FKBP5: variants seen among roughly 807,000 people sequenced by gnomAD.
The protein encoded by FKBP5 is FKBP prolyl isomerase 5, also known as peptidyl-prolyl cis-trans isomerase FKBP5.
FKBP5 carries 23 observed loss-of-function variants against 50.5 expected under a neutral mutation model. The observed-to-expected ratio is 0.46, with a 90% confidence interval of 0.33 to 0.65. FKBP5 has a LOEUF of 0.65. Ranked by LOEUF, FKBP5 falls within the 30% of genes least tolerant of loss-of-function variation. The pLI is 0.02. For missense variants in FKBP5, 411 were observed against 553.1 expected (o/e 0.74, Z 2.58); for synonymous variants, 176 against 190.6 (o/e 0.92, Z 0.63).
Position 35,697,404 on chromosome 6 carries a change from G to A in FKBP5, c.-20+22924C>T, listed in dbSNP as rs780676541. Among the ~76,000 whole-genome samples the A allele has an allele frequency of 3.9e-5, 6 of 151,972 alleles. No individual in the cohort carries two copies. The East Asian group carries it at 5.8e-4, about 15-fold the overall frequency. On this transcript the variant is annotated intron_variant, in intron 2 of 11. Coordinates refer to the FKBP5 transcript ENST00000536438. ...CTCTACTAAAAATACAAAATTAGCC[G>A]GGCATGGTGGCCCATGCCTGTAATC...
At chr6:35,722,570 C>T (rs1766630462) in intron 1 of FKBP5, among the ~76,000 whole-genome samples, 1 of 152,186 alleles carries the variant, frequency 6.6e-6, no homozygotes. Flanking sequence ...GGCTTGCCTG[C>T]CTCTGGCCTC....
chr6:35,683,128 G>GTATATATGTATATATATACGTATATA (rs1765726027), intron 1 of FKBP5, among the ~76,000 whole-genome samples: 1 of 44,452 alleles, frequency 2.2e-5, no homozygotes, highest in African/African-American at 1.1e-4. Context: ...ATATGTGTGT[G>GTATATATGTATATATATACGTATATA]TGTGTGTGTG....
At chr6:35,667,654 G>A (rs1379930851) in intron 1 of FKBP5, among the ~76,000 whole-genome samples, 3 of 152,220 alleles carry the variant, frequency 2.0e-5, no homozygotes, top group Admixed American at 2.0e-4. Context: ...GCCGAGGCAG[G>A]TGGATCACCT....
At chr6:35,584,904 A>T (rs922616930) in intron 8 of FKBP5, 1 of 985,462 alleles carries the variant, frequency 1.0e-6, no homozygotes, top group East Asian at 1.1e-4. Context: ...TGTGATGCTG[A>T]TAAGCAACAA....
At chr6:35,634,038 A>T (rs1233570023) in intron 3 of FKBP5, among the ~76,000 whole-genome samples, 1 of 152,224 alleles carries the variant, frequency 6.6e-6, no homozygotes, top group Non-Finnish European at 1.5e-5. Flanking sequence ...TCTGCTTAAA[A>T]TTCCAGGAAA....
intron 1 of FKBP5, among the ~76,000 whole-genome samples, chr6:35,688,549 T>C (rs959784946): frequency 5.3e-4 from 80 of 150,834 alleles, no homozygotes; most frequent in Non-Finnish European, 9.3e-4. Context: ...TCTCCGCGCC[T>C]CCCGCGGGGA....
chr6:35,622,041 C>G (rs530876965), intron 3 of FKBP5, among the ~76,000 whole-genome samples: 1 of 151,862 alleles, frequency 6.6e-6, no homozygotes, highest in Admixed American at 6.6e-5. Context: ...AGAGATGAAC[C>G]CCAGAGGAAG....
In FKBP5 at chr6:35,685,895, T is replaced by A. The variant is rs376038197; in HGVS notation, c.-20+2909A>T. 2.7e-5 allele frequency among the ~76,000 whole-genome samples: 4 copies of A among 146,890 alleles called. No homozygotes were observed. The East Asian group carries it at 8.0e-4, about 29-fold the overall frequency. ...TACTCAGGAGGCTGAGGCAGGAGAA[T>A]CGCTTGAACCCGGGAGGCAGAGGTT... On this transcript the variant is annotated intron_variant, in intron 1 of 10. Coordinates refer to ENST00000357266, the MANE Select transcript of FKBP5 (RefSeq NM_004117.4).
chr6:35,677,517 A>G (rs1765560472), intron 1 of FKBP5, among the ~76,000 whole-genome samples: 1 of 152,234 alleles, frequency 6.6e-6, no homozygotes, highest in Non-Finnish European at 1.5e-5. Context: ...TGTGTTATAT[A>G]TACTCGGTTC....
At chr6:35,644,120 G>A (rs1471852405) in intron 1 of FKBP5, among the ~76,000 whole-genome samples, 1 of 152,180 alleles carries the variant, frequency 6.6e-6, no homozygotes, top group East Asian at 1.9e-4. Flanking sequence ...CTATTCAAAT[G>A]TTAGCTCTTA....
At chr6:35,610,567 CAAAA>C (rs35101873) in intron 5 of FKBP5, among the ~76,000 whole-genome samples, 1 of 58,628 alleles carries the variant, frequency 1.7e-5, no homozygotes. Context: ...GACTCCGTCT[CAAAA>C]AAAAAAAAAA....
At chr6:35,668,624 TTTC>T (rs1192104300) in intron 1 of FKBP5, among the ~76,000 whole-genome samples, 1 of 152,138 alleles carries the variant, frequency 6.6e-6, no homozygotes, top group Non-Finnish European at 1.5e-5. Context: ...TGTTGTTTTT[TTTC>T]TTCTTTTTTT....
chr6:35,714,750 G>A (rs1766482728), intron 2 of FKBP5, among the ~76,000 whole-genome samples: 1 of 150,016 alleles, frequency 6.7e-6, no homozygotes, highest in Non-Finnish European at 1.5e-5. Context: ...CTGGGAGATG[G>A]AGGTTGCAGT....
chr6:35,612,220 G>A (rs1376520740), intron 5 of FKBP5, among the ~76,000 whole-genome samples: 1 of 152,024 alleles, frequency 6.6e-6, no homozygotes, highest in African/African-American at 2.4e-5. Flanking sequence ...ACGAAACCCC[G>A]TCTTTGCTAA....
At chr6:35,717,984 G>T (rs146349673) in intron 2 of FKBP5, among the ~76,000 whole-genome samples, 1 of 152,182 alleles carries the variant, frequency 6.6e-6, no homozygotes, top group African/African-American at 2.4e-5. Context: ...TTCCTCCAAC[G>T]GTGGCTGGCA....
intron 1 of FKBP5, among the ~76,000 whole-genome samples, chr6:35,683,354 G>A (rs1226343480): frequency 2.0e-5 from 3 of 151,992 alleles, no homozygotes; most frequent in African/African-American, 4.8e-5. Context: ...GTCTTACTAT[G>A]TTGCCCAGGC....
chr6:35,670,472 G>A (rs529508140), intron 1 of FKBP5, among the ~76,000 whole-genome samples: 5 of 152,108 alleles, frequency 3.3e-5, no homozygotes, highest in Non-Finnish European at 7.4e-5. Context: ...GGTGGCTCAT[G>A]CCTGTGATCC....
chr6:35,670,286 GAA>G (rs1432298926), intron 1 of FKBP5, among the ~76,000 whole-genome samples: 2 of 151,968 alleles, frequency 1.3e-5, no homozygotes, highest in African/African-American at 4.8e-5. Flanking sequence ...TTAAATAAAA[GAA>G]TGATAGAATG....
chr6:35,584,884 C>A, intron 8 of FKBP5: 1 of 985,442 alleles, frequency 1.0e-6, no homozygotes, highest in Non-Finnish European at 1.2e-6. Flanking sequence ...AATAGTATCA[C>A]TCTTGCAGTT....
Sources: gnomAD v4.1 joint callset for allele counts (sites outside exome capture counted in the v4.1 genomes callset) on GRCh38, gnomAD v4.1.1 for gene constraint, MANE v1.5 for transcripts, NCBI Gene and HGNC (gene_info 2026-07-23, HGNC 2026-07-21) for gene names.